The following GRM1 variants were observed in gnomAD, a reference collection of about 807,000 sequenced individuals.
The protein encoded by GRM1 is glutamate metabotropic receptor 1.
A neutral mutation model predicts 90.9 loss-of-function variants in GRM1; 33 were observed. That is an observed-to-expected ratio of 0.36 (90% CI 0.28 to 0.49). The LOEUF (loss-of-function observed/expected upper bound fraction) is 0.49, where lower values mean the gene tolerates loss of function less well. GRM1 is among the 20% of genes least tolerant of loss of function. GRM1 has a pLI of 0.99. For missense variants in GRM1, 1,190 were observed against 1,534.3 expected, an observed-to-expected ratio of 0.78 and a Z score of 3.75; for synonymous variants, 700 against 613.2, an observed-to-expected ratio of 1.14 and a Z score of -2.09.
chr6:146,368,260 T>TTGGG lies in GRM1; in HGVS notation c.1602+10566_1602+10567insTGGG, dbSNP rs1491160990. On this transcript the variant is annotated intron_variant, in intron 5 of 7. Transcript: ENST00000282753. Reference sequence around the variant, plus strand: ...TTTATCATTTTCTACAGTTTTTTTTTGGGGGGGGGGGTAGAATCTTTAGAT... The same window carrying TTGGG: ...TTTATCATTTTCTACAGTTTTTTTTTTGGGGGGGGGGGGGGTAGAATCTTTAGAT... 4.6e-3 allele frequency among the ~76,000 whole-genome samples: 537 copies of TTGGG among 115,802 alleles called. 10 individuals are homozygous for TTGGG. The highest frequency in any genetic ancestry group is 7.3e-3 in the Non-Finnish European group (401 of 54,576). The allele number at this position is 115,802 out of a possible 152,430, so 76.0% of individuals were successfully genotyped here. A position where few individuals can be genotyped will look rare whatever the true frequency, so the allele number is the denominator to read the frequency against.
At chr6:146,146,170 G>A (rs1777094920) in intron 1 of GRM1, among the ~76,000 whole-genome samples, 1 of 108,218 alleles carries the variant, frequency 9.2e-6, no homozygotes, top group South Asian at 3.4e-4. Context: ...TTCACTGCAA[G>A]CTCTGCCTCC....
chr6:146,280,083 T>C (rs1782512170), intron 2 of GRM1, among the ~76,000 whole-genome samples: 1 of 152,170 alleles, frequency 6.6e-6, no homozygotes, highest in Non-Finnish European at 1.5e-5. Flanking sequence ...CAAATACTTT[T>C]TTCATTCTAA....
intron 1 of GRM1, among the ~76,000 whole-genome samples, chr6:146,101,566 C>A (rs1036108763): frequency 1.3e-5 from 2 of 152,030 alleles, no homozygotes; most frequent in Non-Finnish European, 2.9e-5. Context: ...CAACCTGCTG[C>A]GATTTGATTG....
chr6:146,339,665 A>G (rs930795545), intron 3 of GRM1, among the ~76,000 whole-genome samples: 3 of 152,206 alleles, frequency 2.0e-5, no homozygotes, highest in Non-Finnish European at 4.4e-5. Flanking sequence ...ATGAAAGACA[A>G]TTGTCTAAAT....
chr6:146,429,322 A>G (rs1387139352), intron 7 of GRM1, among the ~76,000 whole-genome samples: 3 of 152,232 alleles, frequency 2.0e-5, no homozygotes, highest in African/African-American at 7.2e-5. Flanking sequence ...GTGAGTCAAA[A>G]AGGCGAGAAA....
chr6:146,055,030 C>T (rs1442972109), intron 1 of GRM1, among the ~76,000 whole-genome samples: 4 of 151,988 alleles, frequency 2.6e-5, no homozygotes, highest in Admixed American at 6.6e-5. Context: ...CTTGGGTTCA[C>T]GCTAAGCTTC....
intron 1 of GRM1, among the ~76,000 whole-genome samples, chr6:146,087,413 T>G (rs1395088278): frequency 6.6e-6 from 1 of 152,128 alleles, no homozygotes; most frequent in Non-Finnish European, 1.5e-5. Flanking sequence ...ATAGACATTA[T>G]TCAGATTTCA....
chr6:146,043,812 A>ATATATATATATATATATATATAT (rs1791221207), intron 1 of GRM1, among the ~76,000 whole-genome samples: 1 of 70,340 alleles, frequency 1.4e-5, no homozygotes, highest in Non-Finnish European at 3.4e-5. Context: ...TATATATATA[A>ATATATATATATATATATATATAT]AGGGAAGTGA....
chr6:146,383,115 G>T (rs1399491454), intron 5 of GRM1, among the ~76,000 whole-genome samples: 1 of 152,168 alleles, frequency 6.6e-6, no homozygotes, highest in African/African-American at 2.4e-5. Flanking sequence ...CATGCTTGAT[G>T]CACTTCGTGC....
upstream of GRM1, among the ~76,000 whole-genome samples, chr6:146,028,133 C>T (rs775919838): frequency 6.6e-6 from 1 of 152,024 alleles, no homozygotes; most frequent in Non-Finnish European, 1.5e-5. Context: ...GATTTGGCGC[C>T]TCTGTCCCCA....
intron 1 of GRM1, among the ~76,000 whole-genome samples, chr6:146,105,179 G>A (rs975111082): frequency 6.6e-6 from 1 of 152,196 alleles, no homozygotes. Context: ...CTTTTGATGA[G>A]AAGTTTGAGT....
intron 2 of GRM1, among the ~76,000 whole-genome samples, chr6:146,246,374 T>C (rs1387333904): frequency 3.3e-5 from 5 of 152,152 alleles, no homozygotes; most frequent in Admixed American, 3.3e-4. Flanking sequence ...CAGGGCTCAA[T>C]GGGGACCTTG....
chr6:146,182,652 A>G (rs1201700352), intron 2 of GRM1, among the ~76,000 whole-genome samples: 1 of 152,180 alleles, frequency 6.6e-6, no homozygotes, highest in Non-Finnish European at 1.5e-5. Context: ...CTTAGGTTGG[A>G]TAAATGGAGT....
At chr6:146,049,820 C>A (rs1791463175) in intron 1 of GRM1, among the ~76,000 whole-genome samples, 1 of 151,876 alleles carries the variant, frequency 6.6e-6, no homozygotes, top group African/African-American at 2.4e-5. Context: ...AAACACTGTG[C>A]AATTGTTCAA....
chr6:146,295,020 G>C (rs1562588731), intron 2 of GRM1, among the ~76,000 whole-genome samples: 1 of 151,844 alleles, frequency 6.6e-6, no homozygotes, highest in Admixed American at 6.6e-5. Context: ...TATAATCACT[G>C]ATATATGTGG....
intron 3 of GRM1, among the ~76,000 whole-genome samples, chr6:146,307,786 T>C (rs1783631177): frequency 6.6e-6 from 1 of 152,184 alleles, no homozygotes; most frequent in African/African-American, 2.4e-5. Context: ...GAAACCATTA[T>C]TGAACTTAAT....
At chr6:146,283,999 G>C (rs1782673086) in intron 2 of GRM1, among the ~76,000 whole-genome samples, 1 of 152,204 alleles carries the variant, frequency 6.6e-6, no homozygotes, top group Non-Finnish European at 1.5e-5. Flanking sequence ...TCATGGTTTT[G>C]TAATTGCAGA....
At chr6:146,171,797 C>T in intron 2 of GRM1, 1 of 285,792 alleles carries the variant, frequency 3.5e-6, no homozygotes, top group Middle Eastern at 9.6e-4. Context: ...GAAGAATGTT[C>T]TAATGACTGG....
chr6:146,423,074 A>G lies in GRM1; in HGVS notation c.2661-10798A>G, dbSNP rs1343362401. On this transcript the variant is annotated intron_variant, in intron 7 of 7. Coordinates refer to ENST00000282753, the MANE Select transcript of GRM1 (RefSeq NM_001278064.2). ...GCACTTTAAGAAGAAATTGAAGAGG[A>G]CCCTTTCTAACTAAACTACTTCTGG... is the stretch of plus-strand genomic sequence containing the variant. Among the ~76,000 whole-genome samples the G allele has an allele frequency of 2.0e-5, 3 of 152,134 alleles. No individual in the cohort carries two copies. In the East Asian group the frequency reaches 5.8e-4, roughly 29 times the overall value.
Sources: allele counts gnomAD v4.1 joint callset (sites outside exome capture counted in the v4.1 genomes callset), GRCh38; gene constraint gnomAD v4.1.1; transcripts MANE v1.5; gene names NCBI Gene and HGNC (gene_info 2026-07-23, HGNC 2026-07-21).